The following KCNK1 variants were observed in gnomAD, a reference collection of about 807,000 sequenced individuals.
KCNK1 encodes potassium channel subfamily K member 1.
Under a neutral mutation model 22.2 loss-of-function variants are expected in KCNK1, and 10 were observed. The ratio of observed to expected loss-of-function variants is 0.45; its 90% CI spans 0.28 to 0.76. The LOEUF (loss-of-function observed/expected upper bound fraction) is 0.76, where lower values mean the gene tolerates loss of function less well. KCNK1 is among the 30% of genes least tolerant of loss of function. The pLI is 0.14. For synonymous variants in KCNK1, 200 were observed against 186.4 expected, an observed-to-expected ratio of 1.07 and a Z score of -0.60; for missense variants, 378 against 421.0, an observed-to-expected ratio of 0.90 and a Z score of 0.89.
chr1:233,615,501 G>C (rs150586889), intron 1 of KCNK1, among the ~76,000 whole-genome samples: 66 of 152,306 alleles, frequency 4.3e-4, no homozygotes, highest in African/African-American at 1.2e-3. Context: ...TTGGACAGTG[G>C]GAGGAATCTG....
chr1:233,648,758 G>C (rs1658147247), intron 1 of KCNK1, among the ~76,000 whole-genome samples: 2 of 151,948 alleles, frequency 1.3e-5, no homozygotes, highest in African/African-American at 4.8e-5. Flanking sequence ...GTAGAGATGG[G>C]GTTTCACCAT....
At chr1:233,655,101 A>G (rs139176186) in intron 1 of KCNK1, among the ~76,000 whole-genome samples, 35 of 152,374 alleles carry the variant, frequency 2.3e-4, no homozygotes, top group African/African-American at 7.5e-4. Context: ...GGGTTGGGAA[A>G]GCAGGACCAC....
chr1:233,668,034 A>C (rs1172627023), intron 2 of KCNK1, among the ~76,000 whole-genome samples: 1 of 152,214 alleles, frequency 6.6e-6, no homozygotes, highest in Non-Finnish European at 1.5e-5. Context: ...ATAATTTTTT[A>C]ACAGTTTTCA....
At position 233,628,409 on chromosome 1, in the gene KCNK1, C is replaced by G. The variant is rs1321280192; in HGVS notation, c.355+13883C>G. Among the ~76,000 whole-genome samples the G allele has an allele frequency of 3.9e-5, 6 of 152,018 alleles. No homozygotes were observed. The East Asian group carries it at 1.2e-3, about 29-fold the overall frequency. ...CAAGCCTCACCATTATGCAACATAC[C>G]CAAGTAACACACCTGCACACGTACC... On this transcript the variant is annotated intron_variant, in intron 1 of 2. Coordinates refer to ENST00000366621, the MANE Select transcript of KCNK1 (RefSeq NM_002245.4).
intron 1 of KCNK1, among the ~76,000 whole-genome samples, chr1:233,651,597 G>C (rs1290568172): frequency 6.6e-6 from 1 of 152,090 alleles, no homozygotes; most frequent in African/African-American, 2.4e-5. Flanking sequence ...AAGAAAAAGG[G>C]GCATACTAGA....
chr1:233,622,500 C>T (rs1657606942), intron 1 of KCNK1, among the ~76,000 whole-genome samples: 1 of 152,216 alleles, frequency 6.6e-6, no homozygotes, highest in Non-Finnish European at 1.5e-5. Context: ...TGTGATACTT[C>T]TATCTCCTAG....
At chr1:233,671,153 G>T (rs1362967987) in intron 2 of KCNK1, 118 bp from the exon 3 acceptor site, 1 of 880,116 alleles carries the variant, frequency 1.1e-6, no homozygotes, top group Non-Finnish European at 1.8e-6. Flanking sequence ...TAAGAAACTG[G>T]CAATGAGTTT....
intron 1 of KCNK1, among the ~76,000 whole-genome samples, chr1:233,656,792 T>G (rs1224999645): frequency 6.6e-6 from 1 of 152,006 alleles, no homozygotes; most frequent in Non-Finnish European, 1.5e-5. Context: ...CTAATTTATT[T>G]AGTTTTTGTA....
chr1:233,656,616 T>G (rs1448262486), intron 1 of KCNK1, among the ~76,000 whole-genome samples: 1 of 152,176 alleles, frequency 6.6e-6, no homozygotes, highest in Non-Finnish European at 1.5e-5. Context: ...ATTTATTTCT[T>G]TATTATTTAT....
chr1:233,666,808 T>A lies in KCNK1; in HGVS notation c.569T>A (p.Val190Asp). ...GTCCATGCCGTGCTCCTTGGGTTTG[T>A]CACTGTGTCCTGCTTCTTCTTCATC... ...AIVHAVLLGF[V>D]TVSCFFFIPA... is the part of the protein sequence containing the mutation. The change falls in exon 2 of 3, where the codon GTC becomes GAC. Residue 190 changes from valine to aspartate, a missense_variant. By Grantham distance (152) the Val-to-Asp change is radical (BLOSUM62 -3). Coordinates refer to ENST00000366621, the MANE Select transcript of KCNK1 (RefSeq NM_002245.4). 1 of 1,614,222 alleles carries A rather than the reference T, an allele frequency of 6.2e-7. No individual in the cohort carries two copies. Among genetic ancestry groups the A allele is most frequent in the Non-Finnish European group, 8.5e-7 (1 of 1,180,040 alleles).
chr1:233,648,917 G>A (rs1212771016), intron 1 of KCNK1, among the ~76,000 whole-genome samples: 1 of 152,108 alleles, frequency 6.6e-6, no homozygotes, highest in African/African-American at 2.4e-5. Context: ...GGGTACAGGG[G>A]CCCTTGCTCC....
intron 1 of KCNK1, among the ~76,000 whole-genome samples, chr1:233,639,695 CAAAG>C (rs1447140231): frequency 6.6e-6 from 1 of 152,142 alleles, no homozygotes; most frequent in Non-Finnish European, 1.5e-5. Flanking sequence ...AAAAAAACAA[CAAAG>C]AAAACCACAC....
intron 1 of KCNK1, among the ~76,000 whole-genome samples, chr1:233,656,385 G>T (rs1658295103): frequency 6.6e-6 from 1 of 152,234 alleles, no homozygotes; most frequent in Non-Finnish European, 1.5e-5. Flanking sequence ...AACCCAGTCT[G>T]AGAGTTGCAG....
chr1:233,641,524 G>A (rs1233589608), intron 1 of KCNK1, among the ~76,000 whole-genome samples: 2 of 152,192 alleles, frequency 1.3e-5, no homozygotes, highest in Non-Finnish European at 1.5e-5. Flanking sequence ...GGAGGGACAC[G>A]TAAATGTTCT....
intron 1 of KCNK1, among the ~76,000 whole-genome samples, chr1:233,639,134 G>A (rs1657961948): frequency 6.6e-6 from 1 of 152,178 alleles, no homozygotes; most frequent in Admixed American, 6.5e-5. Context: ...TCACTCATAT[G>A]ATCCTGAATT....
At chr1:233,641,067 C>T (rs1427699626) in intron 1 of KCNK1, among the ~76,000 whole-genome samples, 1 of 152,194 alleles carries the variant, frequency 6.6e-6, no homozygotes, top group Non-Finnish European at 1.5e-5. Flanking sequence ...TGGCATCTCT[C>T]TTAAAATCTA....
intron 1 of KCNK1, among the ~76,000 whole-genome samples, chr1:233,628,664 G>T (rs1657734312): frequency 6.6e-6 from 1 of 151,946 alleles, no homozygotes; most frequent in Non-Finnish European, 1.5e-5. Flanking sequence ...GGAGGCTGAG[G>T]TGGAGAATTG....
chr1:233,624,898 C>G (rs564418629), intron 1 of KCNK1, among the ~76,000 whole-genome samples: 2 of 152,272 alleles, frequency 1.3e-5, no homozygotes, highest in South Asian at 4.1e-4. Context: ...AACAAAACCA[C>G]AAAAATCACT....
intron 1 of KCNK1, among the ~76,000 whole-genome samples, chr1:233,622,055 C>A (rs1657597519): frequency 6.6e-6 from 1 of 152,302 alleles, no homozygotes; most frequent in African/African-American, 2.4e-5. Flanking sequence ...TAAGTCCTAT[C>A]AAGAACAGAA....
Sources: gnomAD v4.1 joint callset for allele counts (sites outside exome capture counted in the v4.1 genomes callset) on GRCh38, gnomAD v4.1.1 for gene constraint, MANE v1.5 for transcripts, NCBI Gene and HGNC (gene_info 2026-07-23, HGNC 2026-07-21) for gene names.